Variants in PTBP3 observed in about 807,000 individuals in gnomAD.
PTBP3 encodes polypyrimidine tract-binding protein 3.
Under a neutral mutation model 58.7 loss-of-function variants are expected in PTBP3, and 20 were observed. The observed-to-expected ratio is 0.34, with a 90% CI of 0.24 to 0.50. The LOEUF (loss-of-function observed/expected upper bound fraction) is 0.50. Among genes scored for constraint, PTBP3 ranks in the 20% least tolerant of loss-of-function variants. The pLI is 0.98. For synonymous variants in PTBP3, 185 were observed against 219.8 expected (o/e 0.84, Z 1.40); for missense variants, 509 against 637.2 (o/e 0.80, Z 2.17).
At chr9:112,293,140 C>G (rs753829658) in intron 2 of PTBP3, among the ~76,000 whole-genome samples, 1 of 152,054 alleles carries the variant, frequency 6.6e-6, no homozygotes, top group Non-Finnish European at 1.5e-5. Context: ...GGACGATATA[C>G]TATATTTATT....
intron 1 of PTBP3, among the ~76,000 whole-genome samples, chr9:112,308,962 C>T (rs751689996): frequency 2.0e-5 from 3 of 152,142 alleles, no homozygotes; most frequent in Non-Finnish European, 2.9e-5. Flanking sequence ...TTAAACAGCA[C>T]AAATAAGTGT....
At chr9:112,230,157 A>T (rs764843730) in intron 10 of PTBP3, among the ~76,000 whole-genome samples, 6 of 152,078 alleles carry the variant, frequency 3.9e-5, no homozygotes, top group Non-Finnish European at 7.4e-5. Flanking sequence ...ATCTGAAAAA[A>T]TTCCATTAAA....
chr9:112,294,735 T>C (rs1461879830), intron 2 of PTBP3, among the ~76,000 whole-genome samples: 3 of 152,150 alleles, frequency 2.0e-5, no homozygotes, highest in Non-Finnish European at 2.9e-5. Context: ...AGACACATCA[T>C]TGAATAATTC....
chr9:112,222,020 C>G lies in PTBP3; in HGVS notation c.*1831G>C, dbSNP rs1377432215. ...CCTTGAACTCCTGGGCTCAAGTGAT[C>G]CTCCTGCCTGTAGCCTCCTGCCTAC... On this transcript the variant is annotated 3_prime_UTR_variant, in exon 14 of 14. Transcript: ENST00000374257. The G allele has an allele frequency of 2.4e-5, 22 of 935,234 alleles. No individual in the cohort carries two copies. Among genetic ancestry groups the G allele is most frequent in the Non-Finnish European group, 1.9e-5 (15 of 783,918 alleles). 57.9% of individuals were successfully genotyped at this position (935,234 alleles called of 1,614,324 possible).
At chr9:112,368,407 G>A in the PTBP3 span, among the ~76,000 whole-genome samples, 4 of 152,180 alleles carry the variant, frequency 2.6e-5, no homozygotes, top group Admixed American at 2.6e-4. Flanking sequence ...CTGACCTCAA[G>A]TTATCCACCC....
rs1564391841 is a variant in PTBP3, at chr9:112,232,020, A to AG, written c.1020+78_1020+79insC. ...AGAAGAGAAGAGAAGAGAAGAGAAG[A>AG]AAAGAAAAGAAAGAAAGAAAAAAGT... On this transcript the variant is annotated intron_variant, in intron 9 of 13. Transcript: ENST00000374257. 12 of 741,664 alleles carry AG rather than the reference A, an allele frequency of 1.6e-5. No individual in the cohort carries two copies. In the East Asian group the frequency reaches 3.0e-4, roughly 19 times the overall value. 45.9% of individuals were successfully genotyped at this position (741,664 alleles called of 1,614,324 possible).
At chr9:112,374,961 T>C in the PTBP3 span, among the ~76,000 whole-genome samples, 1,323 of 152,308 alleles carry the variant, frequency 8.7e-3, 17 homozygotes, top group African/African-American at 0.031. Context: ...GCTGGCAAAT[T>C]GGGCACTCAG....
intron 3 of PTBP3, among the ~76,000 whole-genome samples, chr9:112,269,796 T>C (rs1827290222): frequency 6.6e-6 from 1 of 152,230 alleles, no homozygotes; most frequent in South Asian, 2.1e-4. Flanking sequence ...CTCTGGTTTT[T>C]CTTCAGATGG....
the PTBP3 span, among the ~76,000 whole-genome samples, chr9:112,374,423 C>T: frequency 6.6e-6 from 1 of 152,180 alleles, no homozygotes; most frequent in Admixed American, 6.5e-5. Context: ...TCCACTTCTA[C>T]CCCTTGATTC....
At chr9:112,377,720 G>A in the PTBP3 span, among the ~76,000 whole-genome samples, 1 of 152,120 alleles carries the variant, frequency 6.6e-6, no homozygotes, top group Admixed American at 6.5e-5. Context: ...GCTGAGAAGG[G>A]GTGAAATGAG....
the PTBP3 span, among the ~76,000 whole-genome samples, chr9:112,353,360 C>T: frequency 6.6e-5 from 10 of 151,486 alleles, no homozygotes; most frequent in East Asian, 1.9e-3. Flanking sequence ...GTGAAAGAGA[C>T]AGCTGTGAGT....
the PTBP3 span, among the ~76,000 whole-genome samples, chr9:112,371,906 A>G: frequency 3.7e-3 from 566 of 151,708 alleles, 5 homozygotes; most frequent in African/African-American, 0.013. Context: ...GCTAATGGCT[A>G]TTTTTTTGTT....
intron 1 of PTBP3, among the ~76,000 whole-genome samples, chr9:112,313,899 T>G (rs1008492718): frequency 1.3e-5 from 2 of 152,212 alleles, no homozygotes; most frequent in Admixed American, 1.3e-4. Context: ...AATTCATCCA[T>G]GGATGAACCA....
rs1302080171 is a variant in PTBP3, at chr9:112,220,715, A to G, written c.*3136T>C. ...TCTATTTGTATGTTACACAAAACACATTTTACTGCTATGCAAATTATTCAA... is the reference window on the plus strand; with the variant it reads ...TCTATTTGTATGTTACACAAAACACGTTTTACTGCTATGCAAATTATTCAA... On this transcript the variant is annotated 3_prime_UTR_variant, in exon 14 of 14. Transcript: ENST00000374257. 1 of 984,134 alleles carries G rather than the reference A, an allele frequency of 1.0e-6. No homozygotes were observed. Among genetic ancestry groups the G allele is most frequent in the Non-Finnish European group, 1.2e-6 (1 of 828,676 alleles). 61.0% of individuals were successfully genotyped at this position (984,134 alleles called of 1,614,324 possible). A position where few individuals can be genotyped will look rare whatever the true frequency, so the allele number is the denominator to read the frequency against.
At chr9:112,284,153 G>A (rs1321797740) in intron 2 of PTBP3, among the ~76,000 whole-genome samples, 2 of 152,220 alleles carry the variant, frequency 1.3e-5, no homozygotes, top group Non-Finnish European at 2.9e-5. Flanking sequence ...ACTGCACCTA[G>A]TGGAGCTGTG....
intron 7 of PTBP3, among the ~76,000 whole-genome samples, chr9:112,242,164 G>A (rs1589813186): frequency 6.6e-6 from 1 of 152,204 alleles, no homozygotes; most frequent in African/African-American, 2.4e-5. Context: ...GTCTGACTGT[G>A]TTGCCCGAAA....
At chr9:112,235,304 G>A (rs1290478400) in intron 7 of PTBP3, among the ~76,000 whole-genome samples, 1 of 152,126 alleles carries the variant, frequency 6.6e-6, no homozygotes, top group Non-Finnish European at 1.5e-5. Flanking sequence ...ACGAATTATA[G>A]GAGATTCATG....
chr9:112,228,531 T>C (rs1369404546), intron 10 of PTBP3, 59 bp from the exon 11 acceptor site: 11 of 1,213,460 alleles, frequency 9.1e-6, no homozygotes, highest in Middle Eastern at 2.1e-4. Context: ...GTTTAATTAA[T>C]TTTACTAATA....
At chr9:112,256,311 T>C (rs867838263) in intron 5 of PTBP3, among the ~76,000 whole-genome samples, 54 of 133,502 alleles carry the variant, frequency 4.0e-4, no homozygotes, top group East Asian at 4.2e-4. Context: ...ATATATATAT[T>C]TATCTATCTT....
Sources: gnomAD v4.1 joint callset for allele counts (sites outside exome capture counted in the v4.1 genomes callset) on GRCh38, gnomAD v4.1.1 for gene constraint, MANE v1.5 for transcripts, NCBI Gene and HGNC (gene_info 2026-07-23, HGNC 2026-07-21) for gene names.